The following KCNC2 variants were observed in gnomAD, a reference collection of about 807,000 sequenced individuals.
KCNC2 encodes the protein voltage-gated potassium channel KCNC2.
In KCNC2, 21 loss-of-function variants were observed where a neutral mutation model predicts 44.5. The ratio of observed to expected loss-of-function variants is 0.47; its 90% CI spans 0.33 to 0.68. The LOEUF (loss-of-function observed/expected upper bound fraction) is 0.68. KCNC2 is among the 30% of genes least tolerant of loss of function. The pLI, the probability that KCNC2 is intolerant of heterozygous loss-of-function variation, is 0.01. For synonymous variants in KCNC2, 391 were observed against 339.1 expected, an observed-to-expected ratio of 1.15 and a Z score of -1.68; for missense variants, 589 against 826.2, an observed-to-expected ratio of 0.71 and a Z score of 3.52.
At chr12:75,068,351 T>C (rs1021364455) in intron 2 of KCNC2, among the ~76,000 whole-genome samples, 1 of 152,062 alleles carries the variant, frequency 6.6e-6, no homozygotes, top group Admixed American at 6.6e-5. Flanking sequence ...AAAGACTAAA[T>C]AGAATATCTC....
chr12:75,103,198 G>A (rs1886511768), intron 2 of KCNC2, among the ~76,000 whole-genome samples: 2 of 152,184 alleles, frequency 1.3e-5, no homozygotes, highest in Admixed American at 6.5e-5. Flanking sequence ...ACAAGCTGAT[G>A]AATGGAATTG....
At chr12:75,073,666 C>T (rs1298130346) in intron 2 of KCNC2, among the ~76,000 whole-genome samples, 3 of 151,976 alleles carry the variant, frequency 2.0e-5, no homozygotes, top group Non-Finnish European at 2.9e-5. Flanking sequence ...ATATCTGCTT[C>T]GTAGGGGAAG....
chr12:75,066,732 TAAAG>T (rs1177789652), intron 2 of KCNC2, among the ~76,000 whole-genome samples: 2 of 152,160 alleles, frequency 1.3e-5, no homozygotes, highest in African/African-American at 2.4e-5. Flanking sequence ...TACAAATAAA[TAAAG>T]AATTTCAACA....
chr12:75,108,518 A>T lies in KCNC2; in HGVS notation c.688-57201T>A, dbSNP rs920335743. ...AAAAAATTCTCTAATACTGTTGCTT[A>T]ACCATTTGTCTTAGAAGCAATTATT... On this transcript the variant is annotated intron_variant, in intron 2 of 4. Transcript: ENST00000549446. Among the ~76,000 whole-genome samples, 9 of 152,330 alleles carry T rather than the reference A, an allele frequency of 5.9e-5. No homozygotes were observed. The East Asian group carries it at 1.7e-3, about 29-fold the overall frequency.
chr12:75,101,946 T>C (rs1886404555), intron 2 of KCNC2, among the ~76,000 whole-genome samples: 2 of 151,948 alleles, frequency 1.3e-5, no homozygotes, highest in South Asian at 2.1e-4. Flanking sequence ...ACTGACAGCA[T>C]ATGCACATAC....
intron 2 of KCNC2, among the ~76,000 whole-genome samples, chr12:75,152,500 A>G (rs189135526): frequency 8.5e-5 from 13 of 152,090 alleles, no homozygotes; most frequent in African/African-American, 3.1e-4. Context: ...GTGATTATTA[A>G]GAGTTAATGA....
chr12:75,104,473 T>C lies in KCNC2; in HGVS notation c.688-53156A>G, dbSNP rs115230229. Among the ~76,000 whole-genome samples, 814 of 152,108 alleles carry C rather than the reference T, an allele frequency of 5.4e-3. 5 individuals carry two copies. Among genetic ancestry groups the C allele is most frequent in the African/African-American group, 0.019 (769 of 41,528 alleles). On this transcript the variant is annotated intron_variant, in intron 2 of 4. Coordinates refer to ENST00000549446, the MANE Select transcript of KCNC2 (RefSeq NM_139137.4). ...AGTGAAGCCATGGAAAAGGGAGGGC[T>C]ATTGTATAAAGATCAGTACAGCACA...
intron 2 of KCNC2, among the ~76,000 whole-genome samples, chr12:75,196,247 T>C (rs1161032279): frequency 6.6e-6 from 1 of 152,150 alleles, no homozygotes; most frequent in Non-Finnish European, 1.5e-5. Flanking sequence ...GCCTGATTTA[T>C]AGTATGTATA....
At chr12:75,068,204 C>T (rs1883028239) in intron 2 of KCNC2, among the ~76,000 whole-genome samples, 1 of 152,144 alleles carries the variant, frequency 6.6e-6, no homozygotes, top group Non-Finnish European at 1.5e-5. Flanking sequence ...GAATGGCCAC[C>T]AATGCCATAA....
intron 2 of KCNC2, among the ~76,000 whole-genome samples, chr12:75,075,561 C>T (rs2137055348): frequency 6.6e-6 from 1 of 150,886 alleles, no homozygotes; most frequent in African/African-American, 2.4e-5. Context: ...TAGTGGAAGC[C>T]CCTTGAGAAG....
Position 75,184,308 on chromosome 12 carries a change from AT to A in KCNC2, c.687+22988del, listed in dbSNP as rs1297475655. ...ACATAGGCTTTTACAGGCTCTGAAT[AT>A]TTTTTATACTATTTAAGAGCATATG... is the stretch of plus-strand genomic sequence containing the variant. On this transcript the variant is annotated intron_variant, in intron 2 of 4. Transcript: ENST00000549446. Among the ~76,000 whole-genome samples the A allele has an allele frequency of 1.1e-4, 16 of 152,212 alleles. 1 individual carries two copies. The South Asian group carries it at 1.7e-3, about 16-fold the overall frequency.
At chr12:75,081,272 C>T (rs1418523326) in intron 2 of KCNC2, among the ~76,000 whole-genome samples, 2 of 151,902 alleles carry the variant, frequency 1.3e-5, no homozygotes, top group Admixed American at 6.6e-5. Flanking sequence ...TTGTAATACT[C>T]AGTTAATTTT....
intron 2 of KCNC2, among the ~76,000 whole-genome samples, chr12:75,101,137 A>G (rs1335785719): frequency 6.6e-6 from 1 of 152,058 alleles, no homozygotes; most frequent in Non-Finnish European, 1.5e-5. Flanking sequence ...TTCAAACCTT[A>G]TATTTATTAT....
intron 2 of KCNC2, among the ~76,000 whole-genome samples, chr12:75,082,304 TA>T (rs1884588844): frequency 6.6e-6 from 1 of 151,834 alleles, no homozygotes; most frequent in African/African-American, 2.4e-5. Context: ...ATAAAGGTAA[TA>T]ATAATTTTAC....
chr12:75,081,898 C>G (rs1246251447), intron 2 of KCNC2, among the ~76,000 whole-genome samples: 2 of 151,910 alleles, frequency 1.3e-5, no homozygotes, highest in Non-Finnish European at 2.9e-5. Flanking sequence ...CTACAAGAGC[C>G]TTTCTTCTGG....
chr12:75,064,655 G>T (rs1882651318), intron 2 of KCNC2, among the ~76,000 whole-genome samples: 1 of 152,108 alleles, frequency 6.6e-6, no homozygotes, highest in Non-Finnish European at 1.5e-5. Flanking sequence ...GAAATTGTCA[G>T]CAGTGGCAAA....
At chr12:75,201,328 T>C (rs1467129749) in intron 2 of KCNC2, among the ~76,000 whole-genome samples, 1 of 137,668 alleles carries the variant, frequency 7.3e-6, no homozygotes, top group Non-Finnish European at 1.5e-5. Flanking sequence ...ATTAGTGTGA[T>C]GGTCCTTGGA....
intron 2 of KCNC2, among the ~76,000 whole-genome samples, chr12:75,155,836 T>C (rs1458601): frequency 0.2 from 29,857 of 151,604 alleles, 3,263 homozygotes; most frequent in African/African-American, 0.27. Flanking sequence ...GTTTATCAGT[T>C]TGTCTCACAA....
intron 2 of KCNC2, among the ~76,000 whole-genome samples, chr12:75,055,152 T>C (rs1881604011): frequency 6.6e-6 from 1 of 152,122 alleles, no homozygotes; most frequent in Non-Finnish European, 1.5e-5. Flanking sequence ...TTGTATTTCT[T>C]GCTCCTTGCA....
Sources: gnomAD v4.1 joint callset for allele counts (sites outside exome capture counted in the v4.1 genomes callset) on GRCh38, gnomAD v4.1.1 for gene constraint, MANE v1.5 for transcripts, NCBI Gene and HGNC (gene_info 2026-07-23, HGNC 2026-07-21) for gene names.